The following PGS1 variants were observed in gnomAD, a reference collection of about 807,000 sequenced individuals.
PGS1 encodes the protein CDP-diacylglycerol--glycerol-3-phosphate 3-phosphatidyltransferase, mitochondrial.
A neutral mutation model predicts 58.3 loss-of-function variants in PGS1; 44 were observed. That is an observed-to-expected ratio of 0.75 (90% CI 0.59 to 0.97). PGS1 has a LOEUF of 0.97. Ranked by LOEUF, PGS1 falls within the 50% of genes least tolerant of loss-of-function variation. PGS1 has a pLI of 0.00. For synonymous variants in PGS1, 330 were observed against 311.0 expected, an observed-to-expected ratio of 1.06 and a Z score of -0.64; for missense variants, 684 against 731.1, an observed-to-expected ratio of 0.94 and a Z score of 0.74.
intron 2 of PGS1, among the ~76,000 whole-genome samples, chr17:78,395,766 T>TA (rs2083187256): frequency 6.6e-6 from 1 of 152,226 alleles, no homozygotes; most frequent in African/African-American, 2.4e-5. Context: ...TGAGACAGAA[T>TA]CTTGCTCTGT....
At chr17:78,378,846 G>T in intron 1 of PGS1, 38 bp downstream of exon 1, 1 of 1,366,718 alleles carries the variant, frequency 7.3e-7, no homozygotes, top group Non-Finnish European at 9.4e-7. Context: ...CAGCCCTCGC[G>T]GCTGCAGCCC....
At chr17:78,417,487 G>A (rs889429874) in intron 8 of PGS1, among the ~76,000 whole-genome samples, 4 of 152,042 alleles carry the variant, frequency 2.6e-5, no homozygotes, top group Admixed American at 2.0e-4. Context: ...TAATGAAGTC[G>A]GGGCCTGGCT....
At chr17:78,379,784 G>A (rs1404421417) in intron 1 of PGS1, among the ~76,000 whole-genome samples, 1 of 150,132 alleles carries the variant, frequency 6.7e-6, no homozygotes, top group Non-Finnish European at 1.5e-5. Flanking sequence ...AGCCAAGATT[G>A]CCTCATTGCA....
rs758936065 is a variant in PGS1 at position 78,414,842 on chromosome 17, G to A, written c.1403-37G>A. ...TGGAGAGGACTTTGGTAGATGCTGT[G>A]CTCATTTCCTGTCTGCACGTTTCCT... On this transcript the variant is annotated intron_variant, in intron 7 of 9. Coordinates refer to ENST00000262764, the MANE Select transcript of PGS1 (RefSeq NM_024419.5). The A allele has an allele frequency of 3.1e-6, 5 of 1,609,820 alleles. No homozygotes were observed. The South Asian group carries it at 5.5e-5, about 18-fold the overall frequency.
At chr17:78,409,308 A>G (rs1177664500) in intron 7 of PGS1, among the ~76,000 whole-genome samples, 7 of 152,284 alleles carry the variant, frequency 4.6e-5, no homozygotes, top group Non-Finnish European at 1.5e-5. Context: ...GCAGTATTCT[A>G]GCACTAACAA....
Position 78,399,363 on chromosome 17 carries a change from G to T in PGS1, c.527G>T (p.Arg176Leu). 1 of 1,613,954 alleles carries T rather than the reference G, an allele frequency of 6.2e-7. No individual in the cohort carries two copies. The highest frequency in any genetic ancestry group is 8.5e-7 in the Non-Finnish European group (1 of 1,179,934). ...TRGSRGRKNS[R>L]TMLLPLLRRF... ...CCGTGTTCAGGCCGGAAGAACTCCC[G>T]CACAATGCTGCTCCCACTCCTGCGG... The change falls in exon 5 of 10, where the codon CGC becomes CTC. Residue 176 changes from arginine (R) to leucine (L), a missense_variant. Arg to Leu is a moderately radical substitution (Grantham distance 102). Coordinates refer to ENST00000262764, the MANE Select transcript of PGS1 (RefSeq NM_024419.5).
intron 7 of PGS1, among the ~76,000 whole-genome samples, chr17:78,413,952 T>TC (rs1343040991): frequency 6.6e-6 from 1 of 152,242 alleles, no homozygotes; most frequent in African/African-American, 2.4e-5. Flanking sequence ...CTGCTTTTTC[T>TC]CCAACTGTGA....
At chr17:78,420,614 A>G (rs943708483) in intron 9 of PGS1, 2 of 152,134 alleles carry the variant, frequency 1.3e-5, no homozygotes, top group Non-Finnish European at 2.9e-5. Flanking sequence ...CCGGCATCTC[A>G]TGTGTGCAGC....
rs879114130 is a variant in PGS1, at chr17:78,403,731, C to T, written c.1044C>T (p.Asp348=). Residue 348 remains aspartate (D), a synonymous_variant, in exon 7 of 10, where the codon GAC becomes GAT. Coordinates refer to ENST00000262764, the MANE Select transcript of PGS1 (RefSeq NM_024419.5). ...AAAGDRRPAP[D]TWIYPLIQMK... is the part of the protein sequence containing the mutation. ...CTGGGGATCGCAGACCAGCCCCTGA[C>T]ACCTGGATTTATCCGCTGATTCAGA... The T allele has an allele frequency of 4.3e-6, 7 of 1,614,116 alleles. No homozygotes were observed. In the Admixed American group the frequency reaches 1.0e-4, roughly 23 times the overall value.
rs765623231 is a variant in PGS1 at position 78,399,341 on chromosome 17, T to C, written c.512-7T>C. The C allele has an allele frequency of 4.2e-5, 68 of 1,612,650 alleles. No homozygotes were observed. Among genetic ancestry groups the C allele is most frequent in the Non-Finnish European group, 5.6e-5 (66 of 1,178,950 alleles). ...AGTCAGGTGCCGTTTTCTCTGTCCG[T>C]GTTCAGGCCGGAAGAACTCCCGCAC... On this transcript the variant is annotated splice_polypyrimidine_tract_variant and splice_region_variant and intron_variant, in intron 4 of 9. Coordinates refer to ENST00000262764, the MANE Select transcript of PGS1 (RefSeq NM_024419.5).
chr17:78,387,008 G>GATGATGATGATGATGATGATGGTGGTGA (rs1567940786), intron 1 of PGS1, among the ~76,000 whole-genome samples: 1 of 123,846 alleles, frequency 8.1e-6, no homozygotes, highest in African/African-American at 2.9e-5. Flanking sequence ...GATGATGATG[G>GATGATGATGATGATGATGATGGTGGTGA]TGATGATGAT....
chr17:78,416,543 C>G (rs895441179), intron 8 of PGS1, among the ~76,000 whole-genome samples: 3 of 147,744 alleles, frequency 2.0e-5, no homozygotes, highest in African/African-American at 2.7e-5. Flanking sequence ...CCCCCACTGC[C>G]CTAGTAAGGG....
chr17:78,389,622 CT>C (rs34954607), intron 1 of PGS1, among the ~76,000 whole-genome samples: 5 of 150,072 alleles, frequency 3.3e-5, no homozygotes, highest in Admixed American at 1.3e-4. Context: ...TGCTCGGCCC[CT>C]TTTTTTTTGA....
intron 7 of PGS1, among the ~76,000 whole-genome samples, chr17:78,413,688 C>A (rs960122314): frequency 6.6e-6 from 1 of 152,208 alleles, no homozygotes; most frequent in Non-Finnish European, 1.5e-5. Flanking sequence ...CCTGGGTGCC[C>A]TGTGGGAGGA....
At chr17:78,408,970 G>T (rs1297119199) in intron 7 of PGS1, among the ~76,000 whole-genome samples, 1 of 152,246 alleles carries the variant, frequency 6.6e-6, no homozygotes. Flanking sequence ...GGTACAGGCA[G>T]GAGCAGCCCG....
rs5822252 is a variant in PGS1, at chr17:78,389,053, CTTT to C, written c.144-3403_144-3401del. ...TGCCAAGGAGTGTTTCCTCTTCTTC[CTTT>C]TTTTTTTTTTTTTTTTTTTGCGGGG... On this transcript the variant is annotated intron_variant, in intron 1 of 9. Coordinates refer to ENST00000262764, the MANE Select transcript of PGS1 (RefSeq NM_024419.5). Among the ~76,000 whole-genome samples, 19 of 95,998 alleles carry C rather than the reference CTTT, an allele frequency of 2.0e-4. No homozygotes were observed. The South Asian group carries it at 2.4e-3, about 12-fold the overall frequency. The allele number at this position is 95,998 out of a possible 152,430, so 63.0% of individuals were successfully genotyped here.
chr17:78,389,413 C>G (rs1247968902), intron 1 of PGS1, among the ~76,000 whole-genome samples: 2 of 151,984 alleles, frequency 1.3e-5, no homozygotes, highest in South Asian at 2.1e-4. Context: ...TCTCGAACTG[C>G]TAACCTCATG....
At chr17:78,417,946 T>G (rs1428564046) in intron 8 of PGS1, among the ~76,000 whole-genome samples, 1 of 150,950 alleles carries the variant, frequency 6.6e-6, no homozygotes, top group Non-Finnish European at 1.5e-5. Flanking sequence ...TTTTTTTTTT[T>G]TTTAATGGAG....
chr17:78,421,805 TGACCTTC>T (rs1276522660), intron 9 of PGS1: 2 of 152,272 alleles, frequency 1.3e-5, no homozygotes, highest in Non-Finnish European at 2.9e-5. Flanking sequence ...TCTCTGCTGA[TGACCTTC>T]GAGGCTGTCC....
Sources: gnomAD v4.1 joint callset for allele counts (sites outside exome capture counted in the v4.1 genomes callset) on GRCh38, gnomAD v4.1.1 for gene constraint, MANE v1.5 for transcripts, NCBI Gene and HGNC (gene_info 2026-07-23, HGNC 2026-07-21) for gene names.